The following NRL variants were observed in gnomAD, a reference collection of about 807,000 sequenced individuals.
NRL encodes the protein neural retina-specific leucine zipper protein.
A neutral mutation model predicts 12.5 loss-of-function variants in NRL; 16 were observed. That is an observed-to-expected ratio of 1.28 (90% CI 0.87 to 1.95). The LOEUF is 1.95. NRL is among the 30% of genes most tolerant of loss of function. The pLI is 0.00. For synonymous variants in NRL, 142 were observed against 150.9 expected, an observed-to-expected ratio of 0.94 and a Z score of 0.43; for missense variants, 314 against 325.8, an observed-to-expected ratio of 0.96 and a Z score of 0.28.
intron 1 of NRL, among the ~76,000 whole-genome samples, chr14:24,091,967 C>A (rs1027375158): frequency 1.3e-4 from 20 of 152,164 alleles, no homozygotes. Context: ...TGTTGGCATA[C>A]TTCTGGGGTC....
intron 1 of NRL, among the ~76,000 whole-genome samples, chr14:24,097,958 CTT>C (rs113313039): frequency 2.1e-5 from 3 of 145,388 alleles, no homozygotes; most frequent in African/African-American, 2.5e-5. Context: ...AGATCCTTTG[CTT>C]TTTTTTTTTT....
At chr14:24,111,556 G>A (rs996665842) in intron 1 of NRL, among the ~76,000 whole-genome samples, 3 of 150,604 alleles carry the variant, frequency 2.0e-5, no homozygotes, top group Non-Finnish European at 3.0e-5. Context: ...TTTTAGTGAC[G>A]GGGTTTCACC....
rs1407071106 is a variant in NRL at position 24,082,539 on chromosome 14, G to A, written c.310C>T (p.Pro104Ser). Residue 104 changes from proline (P) to serine (S), a missense_variant, in exon 2 of 3, where the codon CCA (proline) becomes TCA (serine). By Grantham distance (74) the Pro-to-Ser change is moderately conservative. Transcript: ENST00000561028. ...EAMELLQGQG[P>S]VPVDGPHGYY... ...CCATGGGGCCCATCAACAGGGACTG[G>A]GCCCTGACCCTGCAGCAGCTCCATG... The A allele has an allele frequency of 7.4e-6, 12 of 1,613,450 alleles. No individual in the cohort carries two copies. The highest frequency in any genetic ancestry group is 1.0e-5 in the Non-Finnish European group (12 of 1,180,028).
At chr14:24,110,839 T>G (rs544734729) in intron 1 of NRL, among the ~76,000 whole-genome samples, 1 of 152,342 alleles carries the variant, frequency 6.6e-6, no homozygotes, top group Admixed American at 6.5e-5. Context: ...TAATAAGAAA[T>G]TCTCCTGGGA....
chr14:24,110,344 A>T, intron 1 of NRL: 1 of 395,978 alleles, frequency 2.5e-6, no homozygotes. Context: ...CCTGTGGTCA[A>T]GCGAGCTGCC....
chr14:24,083,499 T>C (rs557719284), intron 1 of NRL, among the ~76,000 whole-genome samples: 4 of 152,340 alleles, frequency 2.6e-5, no homozygotes, highest in African/African-American at 9.6e-5. Context: ...GAATTAGTTC[T>C]AGAAAGATCA....
chr14:24,095,888 A>G (rs2036851794), intron 1 of NRL, among the ~76,000 whole-genome samples: 1 of 152,160 alleles, frequency 6.6e-6, no homozygotes, highest in African/African-American at 2.4e-5. Flanking sequence ...GTTCAGAAAT[A>G]CTTACCCGAG....
intron 1 of NRL, chr14:24,099,204 C>A (rs201814810): frequency 6.2e-7 from 1 of 1,601,592 alleles, no homozygotes; most frequent in East Asian, 2.2e-5. Flanking sequence ...TCGGCTGGCC[C>A]GGGATGAGGG....
At chr14:24,096,156 C>G (rs761959301) in intron 1 of NRL, among the ~76,000 whole-genome samples, 4 of 151,088 alleles carry the variant, frequency 2.6e-5, no homozygotes, top group Admixed American at 2.0e-4. Context: ...GCTTCAAATA[C>G]CAGACATATG....
chr14:24,082,832 C>A lies in NRL; in HGVS notation c.17G>T (p.Ser6Ile). Residue 6 changes from serine to isoleucine, a missense_variant, in exon 2 of 3, where the codon AGC becomes ATC. Physicochemically the swap from Ser to Ile is moderately radical, Grantham distance 142. Coordinates refer to ENST00000561028, the MANE Select transcript of NRL (RefSeq NM_001354768.3). MALPP[S>I]PLAMEYVNDF... ...ATTGACATATTCCATGGCCAGGGGG[C>A]TGGGGGGCAGGGCCATTCTGGAGCT... 6.2e-7 allele frequency: 1 copy of A among 1,613,060 alleles called. No homozygotes were observed. The highest frequency in any genetic ancestry group is 8.5e-7 in the Non-Finnish European group (1 of 1,179,310).
chr14:24,104,616 G>A (rs1594316685), intron 1 of NRL, among the ~76,000 whole-genome samples: 1 of 150,154 alleles, frequency 6.7e-6, no homozygotes, highest in East Asian at 2.0e-4. Flanking sequence ...ACTCCAGTCT[G>A]GGCAACAGAG....
rs762163679 is a variant in NRL, at chr14:24,103,565, C to T, written c.-28+11157G>A. Reference sequence around the variant, plus strand: ...TGCGGCCCTTTTTTGGCTACAACTTCGGGCACTACCTGGAACACTGGCTGA... The same window carrying T: ...TGCGGCCCTTTTTTGGCTACAACTTTGGGCACTACCTGGAACACTGGCTGA... On this transcript the variant is annotated intron_variant, in intron 1 of 2. Transcript: ENST00000561028. The T allele has an allele frequency of 2.3e-5, 37 of 1,581,220 alleles. No individual in the cohort carries two copies. The highest frequency in any genetic ancestry group is 1.1e-4 in the East Asian group (5 of 44,506).
At chr14:24,092,173 T>C (rs1349129888) in intron 1 of NRL, among the ~76,000 whole-genome samples, 1 of 152,210 alleles carries the variant, frequency 6.6e-6, no homozygotes, top group Non-Finnish European at 1.5e-5. Flanking sequence ...TGGATTTGCA[T>C]GCACAGTGTG....
In NRL at chr14:24,094,402, T is replaced by G. The variant is rs530765424; in HGVS notation, c.-27-11527A>C. 13 of 1,557,970 alleles carry G rather than the reference T, an allele frequency of 8.3e-6. No individual in the cohort carries two copies. In the Admixed American group the frequency reaches 9.3e-5, roughly 11 times the overall value. ...GGCCACCCCGCAGCCCCTGCCCAGG[T>G]GCCATGGCCGCATTGTACCGCCCTG... On this transcript the variant is annotated intron_variant, in intron 1 of 2. Transcript: ENST00000561028. This position sits in a 1 kb window ranked among gnomAD's most constrained non-coding sequence, Gnocchi z 4.1.
chr14:24,083,176 A>G (rs72692169), intron 1 of NRL, among the ~76,000 whole-genome samples: 2,826 of 152,332 alleles, frequency 0.019, 51 homozygotes, highest in Non-Finnish European at 0.028. Context: ...CAGTGCTCCC[A>G]ACCCTAGTGC....
intron 1 of NRL, among the ~76,000 whole-genome samples, chr14:24,097,590 A>ATTT (rs200681299): frequency 1.7e-4 from 23 of 137,842 alleles, no homozygotes; most frequent in African/African-American, 6.1e-4. Context: ...AGAAACTGGG[A>ATTT]TTTTTTTTTT....
intron 1 of NRL, chr14:24,099,311 T>C: frequency 7.2e-7 from 1 of 1,390,886 alleles, no homozygotes; most frequent in Non-Finnish European, 9.8e-7. Context: ...TGCCTCAGCC[T>C]CACCTCCCTC....
At chr14:24,101,644 A>G (rs1411836261) in intron 1 of NRL, among the ~76,000 whole-genome samples, 1 of 152,218 alleles carries the variant, frequency 6.6e-6, no homozygotes, top group African/African-American at 2.4e-5. Context: ...AATTCCTTGC[A>G]GGGCACAGTG....
intron 1 of NRL, among the ~76,000 whole-genome samples, chr14:24,087,829 C>G (rs2036502918): frequency 6.6e-6 from 1 of 152,176 alleles, no homozygotes; most frequent in Non-Finnish European, 1.5e-5. Flanking sequence ...GTAATCCTAG[C>G]ACTTTGGAAG....
Sources: allele counts gnomAD v4.1 joint callset (sites outside exome capture counted in the v4.1 genomes callset), GRCh38; gene constraint gnomAD v4.1.1; non-coding constraint Gnocchi (gnomAD v3.1); transcripts MANE v1.5; gene names NCBI Gene and HGNC (gene_info 2026-07-23, HGNC 2026-07-21).